The following AK9 variants were observed in gnomAD, a reference collection of about 807,000 sequenced individuals.
AK9 encodes the protein adenylate kinase 9.
AK9 carries 191 observed loss-of-function variants against 239.6 expected under a neutral mutation model. That is an observed-to-expected ratio of 0.80 (90% CI 0.71 to 0.90). The LOEUF is 0.90. Among genes scored for constraint, AK9 ranks in the 40% least tolerant of loss-of-function variants. AK9 has a pLI of 0.00. For synonymous variants in AK9, 689 were observed against 721.0 expected, an observed-to-expected ratio of 0.96 and a Z score of 0.71; for missense variants, 1,995 against 2,214.7, an observed-to-expected ratio of 0.90 and a Z score of 1.99.
chr6:109,651,768 A>G (rs925682736), intron 8 of AK9, among the ~76,000 whole-genome samples: 1 of 152,208 alleles, frequency 6.6e-6, no homozygotes, highest in Admixed American at 6.5e-5. Flanking sequence ...AATGCAAACT[A>G]CCATCAGAGA....
intron 8 of AK9, among the ~76,000 whole-genome samples, chr6:109,650,634 G>T (rs1798787378): frequency 6.6e-6 from 1 of 152,196 alleles, no homozygotes; most frequent in African/African-American, 2.4e-5. Context: ...CTGTTGGTGG[G>T]ACTGTAAACT....
intron 17 of AK9, among the ~76,000 whole-genome samples, chr6:109,592,446 C>CTTTTTTTTTT (rs55998817): frequency 7.9e-6 from 1 of 126,760 alleles, no homozygotes; most frequent in East Asian, 2.3e-4. Flanking sequence ...AATGGGATTT[C>CTTTTTTTTTT]TTTTTTTTTT....
intron 25 of AK9, 56 bp from the exon 26 acceptor site, chr6:109,546,183 C>A: frequency 6.8e-7 from 1 of 1,471,820 alleles, no homozygotes; most frequent in Non-Finnish European, 9.1e-7. Context: ...GAAGGAAAAG[C>A]AGTTTTGAGT....
chr6:109,494,148 T>C (rs7755941), intron 39 of AK9, 53 bp from the exon 40 acceptor site: 540,084 of 1,349,852 alleles, frequency 0.4, 106,992 homozygotes, highest in East Asian at 0.45. Context: ...TGGTTTCTTT[T>C]CTTAGTGCCA....
At chr6:109,603,079 G>A (rs1436662876) in intron 17 of AK9, among the ~76,000 whole-genome samples, 1 of 152,192 alleles carries the variant, frequency 6.6e-6, no homozygotes, top group Non-Finnish European at 1.5e-5. Flanking sequence ...GCTCGTCAAG[G>A]TCATTCTCTG....
intron 24 of AK9, among the ~76,000 whole-genome samples, chr6:109,558,406 T>C (rs1785287699): frequency 6.6e-6 from 1 of 152,222 alleles, no homozygotes; most frequent in Non-Finnish European, 1.5e-5. Context: ...TTTTTGTATA[T>C]CATGTGAGGT....
chr6:109,498,384 T>G (rs895148155), intron 36 of AK9, among the ~76,000 whole-genome samples: 1 of 152,178 alleles, frequency 6.6e-6, no homozygotes, highest in African/African-American at 2.4e-5. Flanking sequence ...TAATGTCACT[T>G]CCAGTTTTAA....
intron 13 of AK9, among the ~76,000 whole-genome samples, chr6:109,618,649 T>A (rs1264328635): frequency 6.6e-6 from 1 of 152,174 alleles, no homozygotes; most frequent in Non-Finnish European, 1.5e-5. Flanking sequence ...TGTTAAGTGA[T>A]CACAAAGGCT....
At chr6:109,548,768 G>A (rs1009741629) in intron 25 of AK9, among the ~76,000 whole-genome samples, 1 of 152,150 alleles carries the variant, frequency 6.6e-6, no homozygotes, top group Non-Finnish European at 1.5e-5. Context: ...CAGAGCTTTC[G>A]ATGGAAATTT....
chr6:109,548,630 T>G lies in AK9; in HGVS notation c.2964+1460A>C, dbSNP rs150543288. 6.8e-3 allele frequency among the ~76,000 whole-genome samples: 1,041 copies of G among 152,306 alleles called. 13 individuals are homozygous for G. Among genetic ancestry groups the G allele is most frequent in the African/African-American group, 0.024 (1,008 of 41,566 alleles). On this transcript the variant is annotated intron_variant, in intron 25 of 40. Transcript: ENST00000424296. ...GACTGATGATTAACAGCAGAAACAA[T>G]AGCCAAAACACCTAGACATCTAGGT...
At chr6:109,543,189 G>A (rs192367219) in intron 26 of AK9, among the ~76,000 whole-genome samples, 1 of 152,114 alleles carries the variant, frequency 6.6e-6, no homozygotes, top group Admixed American at 6.5e-5. Flanking sequence ...AAAAACAACA[G>A]TTCTTACAAA....
At chr6:109,529,720 T>G (rs1311514040) in intron 28 of AK9, among the ~76,000 whole-genome samples, 1 of 152,128 alleles carries the variant, frequency 6.6e-6, no homozygotes, top group Non-Finnish European at 1.5e-5. Flanking sequence ...GGCATTAGAT[T>G]CTCATGAGTG....
intron 29 of AK9, among the ~76,000 whole-genome samples, chr6:109,518,275 T>C (rs565227844): frequency 6.6e-6 from 1 of 152,280 alleles, no homozygotes; most frequent in Non-Finnish European, 1.5e-5. Context: ...TTTTCAGTTC[T>C]GGTTCGTTTT....
intron 8 of AK9, among the ~76,000 whole-genome samples, chr6:109,654,147 T>C (rs1799357269): frequency 6.6e-6 from 1 of 152,128 alleles, no homozygotes; most frequent in Non-Finnish European, 1.5e-5. Flanking sequence ...TTAATGAACA[T>C]TCTCCTTATT....
intron 21 of AK9, among the ~76,000 whole-genome samples, chr6:109,570,278 C>T (rs981396421): frequency 2.7e-5 from 4 of 147,218 alleles, no homozygotes; most frequent in East Asian, 2.1e-4. Flanking sequence ...TGGAGCCTGT[C>T]GTGGGGTGGG....
chr6:109,509,945 G>A (rs1408928782), intron 32 of AK9, among the ~76,000 whole-genome samples: 2 of 152,128 alleles, frequency 1.3e-5, no homozygotes, highest in African/African-American at 2.4e-5. Context: ...AGGCTCAGGG[G>A]TGTCTGCTCC....
At chr6:109,675,986 C>T (rs1040904416) in intron 1 of AK9, among the ~76,000 whole-genome samples, 5 of 151,990 alleles carry the variant, frequency 3.3e-5, no homozygotes, top group Non-Finnish European at 7.4e-5. Flanking sequence ...TAAAAGAGAG[C>T]TCAAAGTGTT....
intron 1 of AK9, among the ~76,000 whole-genome samples, chr6:109,683,123 C>T (rs1392193075): frequency 6.6e-6 from 1 of 152,090 alleles, no homozygotes; most frequent in African/African-American, 2.4e-5. Context: ...TAATCCATCA[C>T]ATAAATAGAA....
intron 17 of AK9, among the ~76,000 whole-genome samples, 154 bp downstream of exon 17, chr6:109,610,211 C>T (rs766431426): frequency 1.7e-4 from 26 of 152,132 alleles, no homozygotes; most frequent in Non-Finnish European, 2.5e-4. Flanking sequence ...TGGGGTACTT[C>T]GCACTTAACA....
Sources: gnomAD v4.1 joint callset for allele counts (sites outside exome capture counted in the v4.1 genomes callset) on GRCh38, gnomAD v4.1.1 for gene constraint, MANE v1.5 for transcripts, NCBI Gene and HGNC (gene_info 2026-07-23, HGNC 2026-07-21) for gene names.